PITPNM2: variants seen among roughly 807,000 people sequenced by gnomAD.
PITPNM2 encodes phosphatidylinositol transfer protein membrane associated 2, also known as membrane-associated phosphatidylinositol transfer protein 2.
In PITPNM2, 35 loss-of-function variants were observed where a neutral mutation model predicts 132.2. The observed-to-expected ratio is 0.26, with a 90% confidence interval of 0.20 to 0.35. The LOEUF (loss-of-function observed/expected upper bound fraction) is 0.35. Among genes scored for constraint, PITPNM2 ranks in the 10% least tolerant of loss-of-function variants. The pLI is 1.00. For missense variants in PITPNM2, 1,332 were observed against 1,912.0 expected, an observed-to-expected ratio of 0.70 and a Z score of 5.66; for synonymous variants, 738 against 799.2, an observed-to-expected ratio of 0.92 and a Z score of 1.29.
intron 1 of PITPNM2, among the ~76,000 whole-genome samples, chr12:123,128,360 TGAGC>T (rs1253758104): frequency 7.3e-6 from 1 of 137,746 alleles, no homozygotes. Context: ...GAGAATCACT[TGAGC>T]ACAGGAGGTG....
rs900709905 is a variant in PITPNM2 at position 123,000,339 on chromosome 12, C to T, written c.1224+439G>A. The T allele has an allele frequency of 7.2e-6, 5 of 696,020 alleles. No individual in the cohort carries two copies. Among genetic ancestry groups the T allele is most frequent in the East Asian group, 2.7e-5 (1 of 37,200 alleles). 43.1% of individuals were successfully genotyped at this position (696,020 alleles called of 1,614,324 possible). On this transcript the variant is annotated intron_variant, in intron 10 of 25. Coordinates refer to ENST00000320201, the MANE Select transcript of PITPNM2 (RefSeq NM_020845.3). The surrounding 1 kb of genome is among the most constrained non-coding windows in gnomAD (Gnocchi z 5.4). ...CAGTTTTATTGGACACACTGAGCTC[C>T]GCCTGCCTCCCGCGGGGCCATCTTG... is the stretch of plus-strand genomic sequence containing the variant.
At chr12:123,136,275 C>A (rs540521563) in intron 1 of PITPNM2, among the ~76,000 whole-genome samples, 125 of 151,832 alleles carry the variant, frequency 8.2e-4, no homozygotes, top group African/African-American at 2.6e-3. Context: ...GCACTCCAGC[C>A]TGGGCAACAG....
rs1191884185 is a variant in PITPNM2, at chr12:123,009,320, G to A, written c.643+530C>T. ...CCCCCAGGCCATCTGCTGTCTACCT[G>A]TTCCATGGGCACCTACTCTGGCTAG... On this transcript the variant is annotated intron_variant, in intron 6 of 25. Coordinates refer to ENST00000320201, the MANE Select transcript of PITPNM2 (RefSeq NM_020845.3). The surrounding 1 kb of genome is among the most constrained non-coding windows in gnomAD (Gnocchi z 4.8). Among the ~76,000 whole-genome samples, 1 of 152,164 alleles carries A rather than the reference G, an allele frequency of 6.6e-6. No individual in the cohort carries two copies. Among genetic ancestry groups the A allele is most frequent in the African/African-American group, 2.4e-5 (1 of 41,428 alleles).
In PITPNM2 at chr12:122,992,602, T is replaced by C. The variant is rs909345166; in HGVS notation, c.2301A>G (p.Ser767=). ...GCCGTTCCAGCAGCGGCTCCAGGCG[T>C]GAAGCTGACGGGTCCGCGGGGTGGA... ...NLFHPADPSA[S]RLEPLLERRF... is the part of the protein sequence containing the mutation. Residue 767 remains serine (S), a synonymous_variant, in exon 16 of 26, where the codon TCA becomes TCG. Coordinates refer to ENST00000320201, the MANE Select transcript of PITPNM2 (RefSeq NM_020845.3). This position sits in a 1 kb window ranked among gnomAD's most constrained non-coding sequence, Gnocchi z 6.5. 3 of 1,610,344 alleles carry C rather than the reference T, an allele frequency of 1.9e-6. No homozygotes were observed. The highest frequency in any genetic ancestry group is 3.4e-5 in the Admixed American group (2 of 59,660).
chr12:123,117,749 C>A lies in PITPNM2; in HGVS notation c.-199-7261G>T, dbSNP rs1235057463. Among the ~76,000 whole-genome samples the A allele has an allele frequency of 6.6e-6, 1 of 152,184 alleles. No homozygotes were observed. The highest frequency in any genetic ancestry group is 1.9e-4 in the East Asian group (1 of 5,202). On this transcript the variant is annotated intron_variant, in intron 1 of 25. Coordinates refer to ENST00000320201, the MANE Select transcript of PITPNM2 (RefSeq NM_020845.3). This position sits in a 1 kb window ranked among gnomAD's most constrained non-coding sequence, Gnocchi z 4.7. ...TGTGCCCTTCATGGATTTGTTCATTCATTGTTCAATATCTCACTATGACAG... is the reference window on the plus strand; with the variant it reads ...TGTGCCCTTCATGGATTTGTTCATTAATTGTTCAATATCTCACTATGACAG...
At chr12:123,129,384 C>T (rs997790556) in intron 1 of PITPNM2, among the ~76,000 whole-genome samples, 9 of 151,670 alleles carry the variant, frequency 5.9e-5, no homozygotes, top group South Asian at 2.1e-4. Context: ...CTGGCTAACA[C>T]GGTGAAACCC....
intron 2 of PITPNM2, chr12:123,081,216 A>T (rs572656512): frequency 6.6e-6 from 1 of 152,326 alleles, no homozygotes; most frequent in Non-Finnish European, 1.5e-5. Context: ...CTCTAAAAGG[A>T]GAGAAGGTGG....
At chr12:123,041,882 G>C (rs958072744) in intron 2 of PITPNM2, among the ~76,000 whole-genome samples, 4 of 152,098 alleles carry the variant, frequency 2.6e-5, no homozygotes, top group South Asian at 4.2e-4. Context: ...TGGCACCTGG[G>C]CCCTGGCCTT....
intron 6 of PITPNM2, among the ~76,000 whole-genome samples, chr12:123,006,725 ATAAT>A (rs2038949913): frequency 6.8e-6 from 1 of 146,454 alleles, no homozygotes; most frequent in African/African-American, 2.5e-5. Flanking sequence ...AATAGTAATA[ATAAT>A]AATAATAATA....
rs927723967 is a variant in PITPNM2, at chr12:123,095,695, G to A, written c.-96+14690C>T. Among the ~76,000 whole-genome samples, 27 of 152,200 alleles carry A rather than the reference G, an allele frequency of 1.8e-4. 1 individual carries two copies. Among genetic ancestry groups the A allele is most frequent in the Admixed American group, 1.5e-3 (23 of 15,294 alleles). On this transcript the variant is annotated intron_variant, in intron 2 of 25. Coordinates refer to ENST00000320201, the MANE Select transcript of PITPNM2 (RefSeq NM_020845.3). This position sits in a 1 kb window ranked among gnomAD's most constrained non-coding sequence, Gnocchi z 5.0. ...TGGTCCTCCCTGCAGCTCAGCCCCA[G>A]CCAGACTCTCACAGACAGGAGCCCA...
chr12:123,053,246 T>G (rs928916171), intron 2 of PITPNM2, among the ~76,000 whole-genome samples: 4 of 152,352 alleles, frequency 2.6e-5, no homozygotes, highest in African/African-American at 9.6e-5. Flanking sequence ...GTTCAATAAT[T>G]TTTAACTTGA....
intron 2 of PITPNM2, among the ~76,000 whole-genome samples, chr12:123,087,065 C>T (rs1212655787): frequency 5.3e-5 from 8 of 152,146 alleles, no homozygotes; most frequent in Admixed American, 5.2e-4. Context: ...TTCTGGCTTA[C>T]GAGGCATTCC....
Position 123,083,423 on chromosome 12 carries a change from C to T in PITPNM2, c.-96+26962G>A, listed in dbSNP as rs994004823. On this transcript the variant is annotated intron_variant, in intron 2 of 25. Transcript: ENST00000320201. The surrounding 1 kb of genome is among the most constrained non-coding windows in gnomAD (Gnocchi z 4.5). ...CTGTGCCTGGCCTGGAGTTATGTCCCTCACCCCCACTGTAGACTAACTCCT... is the reference window on the plus strand; with the variant it reads ...CTGTGCCTGGCCTGGAGTTATGTCCTTCACCCCCACTGTAGACTAACTCCT... 60 of 152,360 alleles carry T rather than the reference C, an allele frequency of 3.9e-4. No individual in the cohort carries two copies. Among genetic ancestry groups the T allele is most frequent in the African/African-American group, 1.1e-3 (44 of 41,550 alleles). 9.4% of individuals were successfully genotyped at this position (152,360 alleles called of 1,614,324 possible). A position where few individuals can be genotyped will look rare whatever the true frequency, so the allele number is the denominator to read the frequency against.
Position 123,106,576 on chromosome 12 carries a change from C to CGTCAGGT in PITPNM2, c.-96+3802_-96+3808dup, listed in dbSNP as rs2042717197. 6.6e-6 allele frequency among the ~76,000 whole-genome samples: 1 copy of CGTCAGGT among 152,108 alleles called. No individual in the cohort carries two copies. The highest frequency in any genetic ancestry group is 1.5e-5 in the Non-Finnish European group (1 of 68,010). ...GGCTAAAGCCCTGCGTACTGAGCAGCGTCAGGTGTGTGTCAAAGAACCATA... is the reference window on the plus strand; with the variant it reads ...GGCTAAAGCCCTGCGTACTGAGCAGCGTCAGGTGTCAGGTGTGTGTCAAAGAACCATA... On this transcript the variant is annotated intron_variant, in intron 2 of 25. Transcript: ENST00000320201. This position sits in a 1 kb window ranked among gnomAD's most constrained non-coding sequence, Gnocchi z 4.4.
intron 1 of PITPNM2, among the ~76,000 whole-genome samples, chr12:123,136,283 C>T (rs2043380776): frequency 6.6e-6 from 1 of 151,218 alleles, no homozygotes; most frequent in Admixed American, 6.6e-5. Context: ...GCCTGGGCAA[C>T]AGAGCGAGAC....
chr12:123,024,855 A>G (rs1323527379), intron 3 of PITPNM2, among the ~76,000 whole-genome samples: 1 of 152,090 alleles, frequency 6.6e-6, no homozygotes, highest in Non-Finnish European at 1.5e-5. Flanking sequence ...TAGGCTAAAA[A>G]CCACCGAACT....
At chr12:123,136,527 C>T (rs999934944) in intron 1 of PITPNM2, among the ~76,000 whole-genome samples, 5 of 152,088 alleles carry the variant, frequency 3.3e-5, no homozygotes, top group African/African-American at 1.2e-4. Flanking sequence ...CATATTACAG[C>T]TAATTCACAA....
chr12:123,041,371 A>G (rs1165058828), intron 2 of PITPNM2, among the ~76,000 whole-genome samples: 1 of 152,134 alleles, frequency 6.6e-6, no homozygotes, highest in African/African-American at 2.4e-5. Context: ...CAGACAATAA[A>G]CCTAGGCCTG....
In PITPNM2 at chr12:123,068,309, T is replaced by C. The variant is rs1486879867; in HGVS notation, c.-95-33624A>G. On this transcript the variant is annotated intron_variant, in intron 2 of 25. Transcript: ENST00000320201. ...GGTGAAACCCCGTCTCTACTAAAAA[T>C]ACAAAAAATTAGCCGGGTGAGGTGG... 7.2e-5 allele frequency among the ~76,000 whole-genome samples: 11 copies of C among 151,898 alleles called. No homozygotes were observed. The South Asian group carries it at 1.0e-3, about 14-fold the overall frequency.
Sources: allele counts gnomAD v4.1 joint callset (sites outside exome capture counted in the v4.1 genomes callset), GRCh38; gene constraint gnomAD v4.1.1; non-coding constraint Gnocchi (gnomAD v3.1); transcripts MANE v1.5; gene names NCBI Gene and HGNC (gene_info 2026-07-23, HGNC 2026-07-21).